DACH1: variants seen among roughly 807,000 people sequenced by gnomAD.
DACH1 encodes the protein dachshund homolog 1.
DACH1 carries 12 observed loss-of-function variants against 54.2 expected under a neutral mutation model. The observed-to-expected ratio is 0.22, with a 90% CI of 0.14 to 0.36. The LOEUF (loss-of-function observed/expected upper bound fraction) is 0.36. Among genes scored for constraint, DACH1 ranks in the 10% least tolerant of loss-of-function variants. The probability of loss-of-function intolerance (pLI) is 1.00; values close to 1 mark genes in which losing one functional copy is unlikely to be tolerated. For synonymous variants in DACH1, 386 were observed against 366.2 expected, an observed-to-expected ratio of 1.05 and a Z score of -0.62; for missense variants, 805 against 929.8, an observed-to-expected ratio of 0.87 and a Z score of 1.75.
chr13:71,518,237 C>T (rs1881307528), intron 6 of DACH1, among the ~76,000 whole-genome samples: 1 of 151,644 alleles, frequency 6.6e-6, no homozygotes, highest in Admixed American at 6.6e-5. Flanking sequence ...GGACTGATAT[C>T]CTTACAAAAA....
chr13:71,848,066 T>G (rs1431533158), intron 1 of DACH1, among the ~76,000 whole-genome samples: 1 of 152,090 alleles, frequency 6.6e-6, no homozygotes, highest in Non-Finnish European at 1.5e-5. Flanking sequence ...TTAAGAAAAT[T>G]CTGGAGACTT....
At chr13:71,733,799 T>G in intron 1 of DACH1, among the ~76,000 whole-genome samples, 1 of 152,160 alleles carries the variant, frequency 6.6e-6, no homozygotes, top group Non-Finnish European at 1.5e-5. Context: ...AAATGAATGT[T>G]ATATGTAATT....
In DACH1 at chr13:71,866,871, G is replaced by A. The variant is rs1412435761; in HGVS notation, c.-102C>T. 2.5e-6 allele frequency: 2 copies of A among 806,874 alleles called. No homozygotes were observed. The highest frequency in any genetic ancestry group is 1.6e-6 in the Non-Finnish European group (1 of 628,030). 50.0% of individuals were successfully genotyped at this position (806,874 alleles called of 1,614,324 possible). On this transcript the variant is annotated 5_prime_UTR_variant, in exon 1 of 11. Transcript: ENST00000613252. The stretch of plus-strand genomic sequence containing the variant: ...AAAAAGGGGGGAGAAGGAGCGAGGG[G>A]GGCAACAACAACTCCGGGAGAGAAC...
chr13:71,464,741 CTT>C, intron 10 of DACH1: 1 of 453,818 alleles, frequency 2.2e-6, no homozygotes, highest in South Asian at 1.6e-5. Context: ...CAGCTAAGAA[CTT>C]TATCTTTCTT....
At chr13:71,721,329 C>T (rs574533403) in intron 1 of DACH1, among the ~76,000 whole-genome samples, 122 of 152,180 alleles carry the variant, frequency 8.0e-4, no homozygotes, top group African/African-American at 2.8e-3. Context: ...AGCTAAATTA[C>T]ACAAGAGTCA....
intron 1 of DACH1, among the ~76,000 whole-genome samples, chr13:71,835,092 T>A (rs61281252): frequency 0.08 from 12,187 of 152,042 alleles, 1,505 homozygotes; most frequent in African/African-American, 0.26. Flanking sequence ...TTGTTCTTCC[T>A]ACATATTTGC....
At chr13:71,446,343 C>T (rs1013215419) in intron 10 of DACH1, among the ~76,000 whole-genome samples, 20 of 152,132 alleles carry the variant, frequency 1.3e-4, no homozygotes, top group African/African-American at 4.6e-4. Flanking sequence ...AGTTATTCCT[C>T]GATATCTCAA....
chr13:71,793,992 G>A (rs1423903638), intron 1 of DACH1, among the ~76,000 whole-genome samples: 2 of 152,032 alleles, frequency 1.3e-5, no homozygotes, highest in Admixed American at 6.6e-5. Context: ...AATATGTTTT[G>A]AGACTTTATA....
chr13:71,742,050 C>T (rs1306158444), intron 1 of DACH1, among the ~76,000 whole-genome samples: 1 of 152,102 alleles, frequency 6.6e-6, no homozygotes, highest in Non-Finnish European at 1.5e-5. Context: ...AGTCTTTCCC[C>T]TGCTATTCTT....
chr13:71,630,598 G>C lies in DACH1; in HGVS notation c.1084C>G (p.His362Asp). The change falls in exon 3 of 11, where the codon CAT (histidine) becomes GAT (aspartate). Residue 362 changes from histidine to aspartate, a missense_variant. Around this residue, in one of 3 missense-constraint regions of DACH1, gnomAD observed 472 missense variants for 545.3 expected, o/e 0.87. Coordinates refer to ENST00000613252, the MANE Select transcript of DACH1 (RefSeq NM_080759.6). ...MSNYHASNNQ[H>D]GADSENGDMN... Reference sequence around the variant, plus strand: ...TCCCCGTTTTCAGAGTCTGCTCCATGTTGGTTATTACTGGCATGATAGTTG... The same window carrying C: ...TCCCCGTTTTCAGAGTCTGCTCCATCTTGGTTATTACTGGCATGATAGTTG... 6.2e-7 allele frequency: 1 copy of C among 1,607,748 alleles called. No homozygotes were observed. Among genetic ancestry groups the C allele is most frequent in the Non-Finnish European group, 8.5e-7 (1 of 1,178,398 alleles).
At chr13:71,703,797 A>G (rs1460441513) in intron 1 of DACH1, among the ~76,000 whole-genome samples, 1 of 152,160 alleles carries the variant, frequency 6.6e-6, no homozygotes, top group East Asian at 1.9e-4. Context: ...AAAAGAGGAG[A>G]GAAAGTTGGA....
Position 71,657,013 on chromosome 13 carries a change from T to C in DACH1, c.964+24782A>G, listed in dbSNP as rs1314164571. Among the ~76,000 whole-genome samples, 7 of 144,192 alleles carry C rather than the reference T, an allele frequency of 4.9e-5. No homozygotes were observed. In the East Asian group the frequency reaches 8.2e-4, roughly 17 times the overall value. 94.6% of individuals were successfully genotyped at this position (144,192 alleles called of 152,430 possible). ...GTGTACAGGTATGTGTATATATATA[T>C]ACACACACACACATATATATACATA... On this transcript the variant is annotated intron_variant, in intron 2 of 10. Transcript: ENST00000613252.
At chr13:71,594,180 T>G (rs903754418) in intron 3 of DACH1, among the ~76,000 whole-genome samples, 1 of 151,536 alleles carries the variant, frequency 6.6e-6, no homozygotes, top group Non-Finnish European at 1.5e-5. Flanking sequence ...TAAAAAAATT[T>G]TTAGAAAGTC....
chr13:71,773,845 C>T (rs771194248), intron 1 of DACH1, among the ~76,000 whole-genome samples: 2 of 151,964 alleles, frequency 1.3e-5, no homozygotes, highest in East Asian at 1.9e-4. Flanking sequence ...GTGGAAATAG[C>T]GTACAAATAA....
chr13:71,594,331 C>T (rs1305894558), intron 3 of DACH1, among the ~76,000 whole-genome samples: 1 of 152,018 alleles, frequency 6.6e-6, no homozygotes, highest in Non-Finnish European at 1.5e-5. Context: ...AAAATAATCA[C>T]TCTCAAAATG....
chr13:71,499,116 C>CAG (rs1242856019), intron 6 of DACH1, among the ~76,000 whole-genome samples: 1 of 83,806 alleles, frequency 1.2e-5, no homozygotes, highest in Non-Finnish European at 2.5e-5. Flanking sequence ...CACGCGCACA[C>CAG]ACACACACAC....
At chr13:71,605,022 G>C (rs981462556) in intron 3 of DACH1, among the ~76,000 whole-genome samples, 3 of 151,902 alleles carry the variant, frequency 2.0e-5, no homozygotes, top group African/African-American at 7.2e-5. Context: ...TATGCAAAAT[G>C]GCTTGAATTT....
At chr13:71,809,077 T>C (rs1047471328) in intron 1 of DACH1, among the ~76,000 whole-genome samples, 1 of 152,228 alleles carries the variant, frequency 6.6e-6, no homozygotes, top group South Asian at 2.1e-4. Flanking sequence ...TGGATGATTG[T>C]TACATTTTTA....
At chr13:71,543,005 T>A (rs1883235176) in intron 6 of DACH1, among the ~76,000 whole-genome samples, 1 of 152,134 alleles carries the variant, frequency 6.6e-6, no homozygotes, top group Non-Finnish European at 1.5e-5. Flanking sequence ...AAGGAAAGAT[T>A]GAAGATCCTT....
Sources: allele counts gnomAD v4.1 joint callset (sites outside exome capture counted in the v4.1 genomes callset), GRCh38; gene constraint gnomAD v4.1.1; regional missense constraint gnomAD v4.1.1; transcripts MANE v1.5; gene names NCBI Gene and HGNC (gene_info 2026-07-23, HGNC 2026-07-21).